The following CYLD variants were observed in gnomAD, a reference collection of about 807,000 sequenced individuals.
The protein encoded by CYLD is ubiquitin carboxyl-terminal hydrolase CYLD.
In CYLD, 26 loss-of-function variants were observed where a neutral mutation model predicts 104.5. The ratio of observed to expected loss-of-function variants is 0.25; its 90% confidence interval spans 0.18 to 0.35. CYLD has a LOEUF of 0.35. Among genes scored for constraint, CYLD ranks in the 10% least tolerant of loss-of-function variants. The pLI is 1.00. For missense variants in CYLD, 703 were observed against 1,136.1 expected, an observed-to-expected ratio of 0.62 and a Z score of 5.48; for synonymous variants, 385 against 399.9, an observed-to-expected ratio of 0.96 and a Z score of 0.45.
intron 10 of CYLD, 53 bp from the exon 11 acceptor site, chr16:50,782,272 T>C: frequency 7.6e-7 from 1 of 1,313,864 alleles, no homozygotes; most frequent in Non-Finnish European, 1.1e-6. Context: ...ATACATATTG[T>C]AATAGTTTAA....
chr16:50,760,594 T>G (rs963047042), intron 5 of CYLD, among the ~76,000 whole-genome samples: 4 of 152,202 alleles, frequency 2.6e-5, no homozygotes, highest in African/African-American at 9.6e-5. Context: ...TTTTATATGT[T>G]AGAACTCTTT....
At chr16:50,755,024 CATATAT>C (rs1378395800) in intron 5 of CYLD, among the ~76,000 whole-genome samples, 1 of 96,572 alleles carries the variant, frequency 1.0e-5, no homozygotes. Context: ...TGTATATATA[CATATAT>C]ATGTATATAT....
intron 18 of CYLD, among the ~76,000 whole-genome samples, chr16:50,795,056 C>T (rs922531402): frequency 2.6e-5 from 4 of 152,192 alleles, no homozygotes; most frequent in African/African-American, 4.8e-5. Flanking sequence ...GTAGGAGCCA[C>T]GGTAGCTGTT....
intron 5 of CYLD, among the ~76,000 whole-genome samples, chr16:50,757,654 A>T (rs1420688017): frequency 6.6e-6 from 1 of 151,698 alleles, no homozygotes; most frequent in Non-Finnish European, 1.5e-5. Flanking sequence ...CTCCTGCCTC[A>T]GCCTCCCGAG....
intron 8 of CYLD, among the ~76,000 whole-genome samples, chr16:50,779,329 T>C (rs1969986639): frequency 6.6e-6 from 1 of 152,228 alleles, no homozygotes; most frequent in Non-Finnish European, 1.5e-5. Context: ...CCATTAGATA[T>C]ATAGAAGCGT....
chr16:50,754,189 T>C lies in CYLD; in HGVS notation c.808-130T>C, dbSNP rs1966839436. ...TGGCAACTATTCCTAATGTATTCTT[T>C]CTTTCTTTTAGGTAAAATTGTTAAC... is the stretch of plus-strand genomic sequence containing the variant. On this transcript the variant is annotated intron_variant, in intron 4 of 18. Coordinates refer to ENST00000427738, the MANE Select transcript of CYLD (RefSeq NM_001378743.1). 4.3e-6 allele frequency: 3 copies of C among 703,028 alleles called. No homozygotes were observed. In the South Asian group the frequency reaches 5.0e-5, roughly 12 times the overall value. The allele number at this position is 703,028 out of a possible 1,614,324, so 43.5% of individuals were successfully genotyped here.
chr16:50,782,507 G>C, intron 11 of CYLD, 41 bp downstream of exon 11: 1 of 1,606,078 alleles, frequency 6.2e-7, no homozygotes. Context: ...ATAGTGCCAT[G>C]AGGCAGGGAC....
At chr16:50,758,283 C>T (rs1027515532) in intron 5 of CYLD, among the ~76,000 whole-genome samples, 8 of 152,118 alleles carry the variant, frequency 5.3e-5, no homozygotes, top group Admixed American at 1.3e-4. Flanking sequence ...CCGCAGCCAG[C>T]GTGGCCAGTT....
intron 2 of CYLD, among the ~76,000 whole-genome samples, chr16:50,746,467 G>A (rs1037491174): frequency 6.6e-6 from 1 of 152,098 alleles, no homozygotes; most frequent in Non-Finnish European, 1.5e-5. Flanking sequence ...TTTCAAACTT[G>A]TTCTTAATAT....
chr16:50,784,410 C>A lies in CYLD; in HGVS notation c.1908C>A (p.Thr636=). 6.2e-7 allele frequency: 1 copy of A among 1,613,304 alleles called. No individual in the cohort carries two copies. The change falls in exon 12 of 19, where the codon ACC becomes ACA. Residue 636 remains threonine (T), a synonymous_variant. Coordinates refer to ENST00000427738, the MANE Select transcript of CYLD (RefSeq NM_001378743.1). ...EKNDVEYYSE[T]QELLRTEIVN... is the part of the protein sequence containing the mutation. ...ACGATGTAGAATATTATAGTGAAAC[C>A]CAAGAGCTACTGAGGACAGAAATTG...
At chr16:50,793,714 T>C (rs938519817) in intron 17 of CYLD, 50 bp downstream of exon 17, 3 of 1,166,184 alleles carry the variant, frequency 2.6e-6, no homozygotes, top group African/African-American at 3.0e-5. Context: ...CAGTAACTTA[T>C]TTATAGTTGA....
At position 50,781,293 on chromosome 16, in the gene CYLD, G is replaced by A. The variant is rs1320802851; in HGVS notation, c.1566G>A (p.Arg522=). Residue 522 remains arginine, a synonymous_variant, in exon 10 of 19, where the codon CGG becomes CGA. Coordinates refer to ENST00000427738, the MANE Select transcript of CYLD (RefSeq NM_001378743.1). The part of the protein sequence containing the change: ...GCTDGTFRGT[R]YFTCALKKAL... Reference sequence around the variant, plus strand: ...CGGATGGAACCTTCAGAGGCACTCGGTATTTCACCTGTGCCCTGAAGAAGG... The same window carrying A: ...CGGATGGAACCTTCAGAGGCACTCGATATTTCACCTGTGCCCTGAAGAAGG... The A allele has an allele frequency of 6.2e-7, 1 of 1,613,856 alleles. No individual in the cohort carries two copies. The highest frequency in any genetic ancestry group is 2.2e-5 in the East Asian group (1 of 44,892).
chr16:50,767,521 A>C (rs1300954098), intron 5 of CYLD, among the ~76,000 whole-genome samples: 2 of 148,572 alleles, frequency 1.3e-5, no homozygotes, highest in African/African-American at 5.1e-5. Context: ...AAAATAATTA[A>C]AAAAAAAAGC....
chr16:50,750,234 T>G (rs1173486557), intron 3 of CYLD, 32 bp downstream of exon 3: 5 of 1,611,606 alleles, frequency 3.1e-6, no homozygotes, highest in East Asian at 2.2e-5. Context: ...AGTAGTGTGT[T>G]TGTTTGTGTT....
At chr16:50,750,640 A>G (rs565486142) in intron 3 of CYLD, among the ~76,000 whole-genome samples, 29 of 152,332 alleles carry the variant, frequency 1.9e-4, no homozygotes, top group South Asian at 4.1e-4. Flanking sequence ...TTAAAAAACT[A>G]TGTACTATGG....
chr16:50,767,318 CA>C (rs1475549230), intron 5 of CYLD, among the ~76,000 whole-genome samples: 8 of 152,144 alleles, frequency 5.3e-5, no homozygotes, highest in African/African-American at 1.9e-4. Flanking sequence ...TAATGGACTA[CA>C]GTATAGTGTA....
intron 2 of CYLD, among the ~76,000 whole-genome samples, chr16:50,746,945 A>G (rs556502278): frequency 2.0e-5 from 3 of 152,290 alleles, no homozygotes; most frequent in African/African-American, 7.2e-5. Flanking sequence ...AATTATTAAG[A>G]TTCAGGGAAG....
rs1341822997 is a variant in CYLD at position 50,797,232 on chromosome 16, C to T, written c.*724C>T. On this transcript the variant is annotated 3_prime_UTR_variant, in exon 19 of 19. Coordinates refer to ENST00000427738, the MANE Select transcript of CYLD (RefSeq NM_001378743.1). ...TGAAGCTCTTCATTCATAGTAGTTA[C>T]TGTCAGCTAACAGGTTTTTTAAGGC... 3.4e-5 allele frequency: 8 copies of T among 232,606 alleles called. No homozygotes were observed. The East Asian group carries it at 4.9e-4, about 14-fold the overall frequency. The allele number at this position is 232,606 out of a possible 1,614,324, so 14.4% of individuals were successfully genotyped here.
chr16:50,800,128 C>G lies in CYLD; in HGVS notation c.*3620C>G. 4.3e-6 allele frequency: 1 copy of G among 233,014 alleles called. No homozygotes were observed. Among genetic ancestry groups the G allele is most frequent in the East Asian group, 6.0e-5 (1 of 16,552 alleles). 14.4% of individuals were successfully genotyped at this position (233,014 alleles called of 1,614,324 possible). The stretch of plus-strand genomic sequence containing the variant: ...CTTGCTCTGTACACTTAGACAACAG[C>G]TTGACCTCTTGAGCTTTAGTTTCCT... On this transcript the variant is annotated 3_prime_UTR_variant, in exon 19 of 19. Coordinates refer to ENST00000427738, the MANE Select transcript of CYLD (RefSeq NM_001378743.1).
Sources: gnomAD v4.1 joint callset for allele counts (sites outside exome capture counted in the v4.1 genomes callset) on GRCh38, gnomAD v4.1.1 for gene constraint, MANE v1.5 for transcripts, NCBI Gene and HGNC (gene_info 2026-07-23, HGNC 2026-07-21) for gene names.